Variants in KATNA1 observed in about 807,000 individuals in gnomAD.
KATNA1 encodes katanin catalytic subunit A1, also known as katanin p60 ATPase-containing subunit A1.
KATNA1 carries 42 observed loss-of-function variants against 62.6 expected under a neutral mutation model. That is an observed-to-expected ratio of 0.67 (90% CI 0.52 to 0.87). The LOEUF (loss-of-function observed/expected upper bound fraction) is 0.87, where lower values mean the gene tolerates loss of function less well. KATNA1 is among the 40% of genes least tolerant of loss of function. The pLI, the probability that KATNA1 is intolerant of heterozygous loss-of-function variation, is 0.00. For synonymous variants in KATNA1, 186 were observed against 201.9 expected (o/e 0.92, Z 0.67); for missense variants, 498 against 612.5 (o/e 0.81, Z 1.97).
intron 2 of KATNA1, among the ~76,000 whole-genome samples, chr6:149,635,324 T>C (rs1051231935): frequency 3.3e-5 from 5 of 152,160 alleles, no homozygotes; most frequent in South Asian, 4.1e-4. Flanking sequence ...AACTGTATTA[T>C]AGTAATGGGT....
At chr6:149,612,651 A>G (rs1779005383) in intron 4 of KATNA1, among the ~76,000 whole-genome samples, 1 of 152,198 alleles carries the variant, frequency 6.6e-6, no homozygotes, top group African/African-American at 2.4e-5. Context: ...AAAACAAAAC[A>G]AAGGAAAAAC....
chr6:149,617,027 A>G (rs1779191354), intron 4 of KATNA1, among the ~76,000 whole-genome samples: 2 of 152,232 alleles, frequency 1.3e-5, no homozygotes, highest in African/African-American at 4.8e-5. Flanking sequence ...TCCCTAAAAC[A>G]CTATGCTAAG....
chr6:149,616,525 C>T (rs923294670), intron 4 of KATNA1, among the ~76,000 whole-genome samples: 2 of 152,094 alleles, frequency 1.3e-5, no homozygotes, highest in African/African-American at 2.4e-5. Flanking sequence ...TTTTGGAGGC[C>T]AAGGCGGGCA....
intron 1 of KATNA1, among the ~76,000 whole-genome samples, chr6:149,643,644 T>G (rs1330127815): frequency 6.6e-6 from 1 of 151,836 alleles, no homozygotes; most frequent in African/African-American, 2.4e-5. Context: ...CAAATGTAGA[T>G]CTCAATCAAC....
Position 149,624,662 on chromosome 6 carries a change from G to A in KATNA1, c.321-1379C>T, listed in dbSNP as rs562200112. Among the ~76,000 whole-genome samples the A allele has an allele frequency of 1.2e-3, 179 of 152,164 alleles. 1 individual carries two copies. Among genetic ancestry groups the A allele is most frequent in the Admixed American group, 6.0e-3 (91 of 15,250 alleles). ...CCCAAAGAGCTGGGACTACAGGCGT[G>A]AGCCCCTGTGTTGGTCCTCATTTCA... On this transcript the variant is annotated intron_variant, in intron 3 of 10. Coordinates refer to ENST00000367411, the MANE Select transcript of KATNA1 (RefSeq NM_007044.4).
chr6:149,623,733 G>A (rs149018202), intron 3 of KATNA1, among the ~76,000 whole-genome samples: 203 of 151,888 alleles, frequency 1.3e-3, no homozygotes, highest in African/African-American at 4.8e-3. Context: ...ACGAGACTCC[G>A]TTTCAAAAAA....
chr6:149,610,605 C>A (rs999481142), intron 4 of KATNA1, among the ~76,000 whole-genome samples: 2 of 152,118 alleles, frequency 1.3e-5, no homozygotes, highest in African/African-American at 4.8e-5. Flanking sequence ...ACTAAATAAT[C>A]CAGGTCAAAG....
chr6:149,648,952 TCA>T, upstream of KATNA1: 1 of 152,438 alleles, frequency 6.6e-6, no homozygotes, highest in Non-Finnish European at 1.5e-5. Flanking sequence ...TTCACCACAC[TCA>T]CACACACACC....
intron 4 of KATNA1, among the ~76,000 whole-genome samples, chr6:149,616,699 A>G (rs907344849): frequency 1.3e-5 from 2 of 152,196 alleles, no homozygotes; most frequent in African/African-American, 4.8e-5. Flanking sequence ...GGGTGCGGTG[A>G]GCCAAGATCG....
In KATNA1 at chr6:149,595,037, T is replaced by A; in HGVS notation, c.1475A>T (p.Ter492LeuextTer7). 1 of 1,612,190 alleles carries A rather than the reference T, an allele frequency of 6.2e-7. No individual in the cohort carries two copies. The highest frequency in any genetic ancestry group is 1.1e-5 in the South Asian group (1 of 91,012). ...EKWIFEFGSC[*>L] The stretch of plus-strand genomic sequence containing the variant: ...TTCTCACAGTTTACATGTGAGAATT[T>A]AGCATGATCCAAACTCAAATATCCA... Residue 492 changes from the stop codon to leucine, a stop_lost, in exon 11 of 11, where the codon TAA (stop) becomes TTA (leucine). Coordinates refer to ENST00000367411, the MANE Select transcript of KATNA1 (RefSeq NM_007044.4).
chr6:149,636,080 T>TA (rs1164845839), intron 2 of KATNA1, among the ~76,000 whole-genome samples: 1 of 151,536 alleles, frequency 6.6e-6, no homozygotes, highest in East Asian at 1.9e-4. Context: ...CAGAAAATGG[T>TA]AAAAAATAAA....
At chr6:149,646,006 C>A (rs1366797446) in intron 1 of KATNA1, among the ~76,000 whole-genome samples, 3 of 151,974 alleles carry the variant, frequency 2.0e-5, no homozygotes, top group Non-Finnish European at 4.4e-5. Context: ...CAGGGCCCTG[C>A]CTATTTCACA....
intron 2 of KATNA1, among the ~76,000 whole-genome samples, chr6:149,637,533 T>TA: frequency 6.6e-6 from 1 of 151,906 alleles, no homozygotes; most frequent in Non-Finnish European, 1.5e-5. Flanking sequence ...ACCATTGTTT[T>TA]AAAAAACTCT....
At chr6:149,602,332 C>G (rs1778578258) in intron 6 of KATNA1, among the ~76,000 whole-genome samples, 1 of 152,182 alleles carries the variant, frequency 6.6e-6, no homozygotes. Flanking sequence ...GCACTGCACT[C>G]CAGCCTGGCG....
At chr6:149,622,221 C>T (rs1028629931) in intron 4 of KATNA1, among the ~76,000 whole-genome samples, 2 of 151,814 alleles carry the variant, frequency 1.3e-5, no homozygotes, top group Non-Finnish European at 2.9e-5. Flanking sequence ...CAAGCTCCGC[C>T]TCTCGGGTTC....
chr6:149,622,123 GTTTTTTTTGT>G (rs990738353), intron 4 of KATNA1, among the ~76,000 whole-genome samples: 4 of 113,682 alleles, frequency 3.5e-5, no homozygotes, highest in Non-Finnish European at 6.4e-5. Context: ...TGATAACTGT[GTTTTTTTTGT>G]TTTTTTTTTT....
At chr6:149,647,262 G>C (rs1416692442) in intron 1 of KATNA1, among the ~76,000 whole-genome samples, 1 of 151,590 alleles carries the variant, frequency 6.6e-6, no homozygotes, top group Non-Finnish European at 1.5e-5. Context: ...AGTGGCTCAC[G>C]TCTGTAATCC....
chr6:149,618,802 T>G (rs1303583443), intron 4 of KATNA1, among the ~76,000 whole-genome samples: 2 of 152,162 alleles, frequency 1.3e-5, no homozygotes, highest in Non-Finnish European at 2.9e-5. Flanking sequence ...CTAGACCCCC[T>G]AACTCTCACC....
At chr6:149,609,451 G>A (rs1778862694) in intron 4 of KATNA1, among the ~76,000 whole-genome samples, 1 of 151,974 alleles carries the variant, frequency 6.6e-6, no homozygotes, top group Admixed American at 6.6e-5. Flanking sequence ...ACTTTGGGAG[G>A]CCAAGGTGGC....
Sources: gnomAD v4.1 joint callset for allele counts (sites outside exome capture counted in the v4.1 genomes callset) on GRCh38, gnomAD v4.1.1 for gene constraint, MANE v1.5 for transcripts, NCBI Gene and HGNC (gene_info 2026-07-23, HGNC 2026-07-21) for gene names.